The following BMP6 variants were observed in gnomAD, a reference collection of about 807,000 sequenced individuals.
BMP6 encodes VG-1-R.
Under a neutral mutation model 54.1 loss-of-function variants are expected in BMP6, and 17 were observed. The observed-to-expected ratio is 0.31, with a 90% CI of 0.22 to 0.47. The LOEUF is 0.47. Ranked by LOEUF, BMP6 falls within the 20% of genes least tolerant of loss-of-function variation. BMP6 has a pLI of 1.00. For missense variants in BMP6, 720 were observed against 690.4 expected (o/e 1.04, Z -0.48); for synonymous variants, 328 against 291.2 (o/e 1.13, Z -1.28).
chr6:7,796,922 G>T (rs994604722), intron 1 of BMP6, among the ~76,000 whole-genome samples: 7 of 152,176 alleles, frequency 4.6e-5, no homozygotes, highest in Non-Finnish European at 1.0e-4. Flanking sequence ...TGTTTCCCAG[G>T]TATCGGCACA....
chr6:7,811,283 C>T (rs1758431983), intron 1 of BMP6, among the ~76,000 whole-genome samples: 1 of 152,202 alleles, frequency 6.6e-6, no homozygotes, highest in Admixed American at 6.5e-5. Flanking sequence ...CTCCCCCAGG[C>T]CCCCTTGCTT....
At chr6:7,839,895 G>A (rs980339212) in intron 1 of BMP6, among the ~76,000 whole-genome samples, 6 of 152,206 alleles carry the variant, frequency 3.9e-5, no homozygotes, top group Non-Finnish European at 7.3e-5. Flanking sequence ...TTGCTACAGT[G>A]CTGCACCATT....
At chr6:7,797,786 G>A (rs1020602732) in intron 1 of BMP6, among the ~76,000 whole-genome samples, 9 of 152,282 alleles carry the variant, frequency 5.9e-5, no homozygotes, top group South Asian at 2.1e-4. Context: ...ACCGATACAA[G>A]TTATAGAGAA....
chr6:7,744,239 C>CGTG (rs1225210065), intron 1 of BMP6, among the ~76,000 whole-genome samples: 3 of 152,162 alleles, frequency 2.0e-5, no homozygotes, highest in Non-Finnish European at 4.4e-5. Flanking sequence ...GTAATCCCAG[C>CGTG]ACTTGGGGAG....
intron 1 of BMP6, among the ~76,000 whole-genome samples, chr6:7,807,274 G>A (rs745493557): frequency 7.2e-5 from 11 of 151,910 alleles, no homozygotes; most frequent in African/African-American, 1.7e-4. Flanking sequence ...CTGGGACCTC[G>A]TTGTTTTTTG....
chr6:7,765,438 A>C (rs750953257), intron 1 of BMP6, among the ~76,000 whole-genome samples: 1 of 152,248 alleles, frequency 6.6e-6, no homozygotes, highest in Non-Finnish European at 1.5e-5. Flanking sequence ...AAGCTAGGTC[A>C]ATCCTTGCTT....
chr6:7,840,697 GTTGTT>G (rs1348017671), intron 1 of BMP6, among the ~76,000 whole-genome samples: 1 of 152,074 alleles, frequency 6.6e-6, no homozygotes, highest in Non-Finnish European at 1.5e-5. Flanking sequence ...CATGCAGTTT[GTTGTT>G]TTGTTTTTAT....
chr6:7,768,827 C>A (rs1184590363), intron 1 of BMP6, among the ~76,000 whole-genome samples: 1 of 152,182 alleles, frequency 6.6e-6, no homozygotes, highest in East Asian at 1.9e-4. Context: ...ATTCCCCTAA[C>A]ACTTTGTGGC....
intron 2 of BMP6, among the ~76,000 whole-genome samples, chr6:7,853,026 A>C (rs1479048347): frequency 6.6e-6 from 1 of 152,152 alleles, no homozygotes; most frequent in Non-Finnish European, 1.5e-5. Flanking sequence ...GTAAAGCTCT[A>C]GGCCGCTACC....
chr6:7,802,234 A>G (rs1217863284), intron 1 of BMP6, among the ~76,000 whole-genome samples: 1 of 152,240 alleles, frequency 6.6e-6, no homozygotes, highest in Non-Finnish European at 1.5e-5. Flanking sequence ...ATTTAAGAGA[A>G]GAGTATGATT....
intron 1 of BMP6, among the ~76,000 whole-genome samples, chr6:7,746,356 G>A (rs1213443475): frequency 6.6e-6 from 1 of 152,222 alleles, no homozygotes; most frequent in Non-Finnish European, 1.5e-5. Flanking sequence ...TGACTGATGT[G>A]TGCTTTGGGA....
At chr6:7,850,211 C>T (rs1239225225) in intron 2 of BMP6, among the ~76,000 whole-genome samples, 15 of 152,152 alleles carry the variant, frequency 9.9e-5, no homozygotes, top group African/African-American at 3.6e-4. Context: ...GGTGCGATCT[C>T]GGCTCACTGC....
chr6:7,764,760 T>TA (rs987903537), intron 1 of BMP6, among the ~76,000 whole-genome samples: 3 of 152,118 alleles, frequency 2.0e-5, no homozygotes, highest in African/African-American at 7.2e-5. Flanking sequence ...GGACTACAGG[T>TA]ATGCGCCCCC....
At chr6:7,773,382 A>T (rs990859413) in intron 1 of BMP6, among the ~76,000 whole-genome samples, 1 of 152,214 alleles carries the variant, frequency 6.6e-6, no homozygotes, top group African/African-American at 2.4e-5. Context: ...TTAAGTGTTC[A>T]TTCGCCCCGG....
intron 2 of BMP6, among the ~76,000 whole-genome samples, chr6:7,854,204 G>A (rs943207340): frequency 1.3e-5 from 2 of 152,106 alleles, no homozygotes; most frequent in African/African-American, 2.4e-5. Flanking sequence ...TTCATGCCTC[G>A]AAACAGATCG....
chr6:7,764,636 CA>C (rs1196750591), intron 1 of BMP6, among the ~76,000 whole-genome samples: 1 of 152,106 alleles, frequency 6.6e-6, no homozygotes, highest in African/African-American at 2.4e-5. Flanking sequence ...TCCCAGTCCC[CA>C]ATTCTTTTTA....
intron 1 of BMP6, among the ~76,000 whole-genome samples, chr6:7,764,151 C>A (rs1476423180): frequency 6.6e-6 from 1 of 152,136 alleles, no homozygotes; most frequent in African/African-American, 2.4e-5. Context: ...CCAGGAGAGG[C>A]CATTCTGTGT....
chr6:7,859,238 C>T (rs1047458928), intron 2 of BMP6, among the ~76,000 whole-genome samples: 16 of 152,122 alleles, frequency 1.1e-4, no homozygotes, highest in African/African-American at 2.4e-4. Flanking sequence ...TTCTCTTGGA[C>T]GAGGCTGCCA....
At position 7,862,836 on chromosome 6, in the gene BMP6, C is replaced by T. The variant is rs115653034; in HGVS notation, c.1204+338C>T. Among the ~76,000 whole-genome samples the T allele has an allele frequency of 5.7e-3, 874 of 152,062 alleles. 9 individuals are homozygous for T. Among genetic ancestry groups the T allele is most frequent in the African/African-American group, 0.02 (838 of 41,476 alleles). ...GCACCTAGATTCTTTTTTCTAGTTG[C>T]GTTATGCTGGGGGGTTATGATGTGC... On this transcript the variant is annotated intron_variant, in intron 4 of 6. Coordinates refer to ENST00000283147, the MANE Select transcript of BMP6 (RefSeq NM_001718.6).
Sources: allele counts gnomAD v4.1 joint callset (sites outside exome capture counted in the v4.1 genomes callset), GRCh38; gene constraint gnomAD v4.1.1; transcripts MANE v1.5; gene names NCBI Gene and HGNC (gene_info 2026-07-23, HGNC 2026-07-21).